Variants in GOLGA1 observed in about 807,000 individuals in gnomAD.
The protein encoded by GOLGA1 is golgin subfamily A member 1.
A neutral mutation model predicts 119.7 loss-of-function variants in GOLGA1; 63 were observed. The ratio of observed to expected loss-of-function variants is 0.53; its 90% CI spans 0.43 to 0.65. GOLGA1 has a LOEUF of 0.65. GOLGA1 is among the 30% of genes least tolerant of loss of function. GOLGA1 has a pLI of 0.00. For synonymous variants in GOLGA1, 318 were observed against 333.4 expected (o/e 0.95, Z 0.50); for missense variants, 798 against 912.8 (o/e 0.87, Z 1.62).
intron 9 of GOLGA1, 122 bp downstream of exon 9, chr9:124,921,601 A>G (rs1470070286): frequency 9.9e-6 from 8 of 804,718 alleles, no homozygotes; most frequent in Non-Finnish European, 1.6e-5. Flanking sequence ...GGATGTGTCC[A>G]GAAGCCTTTG....
At chr9:124,923,257 C>A (rs540832065) in intron 7 of GOLGA1, 34 bp from the exon 8 acceptor site, 16 of 1,532,254 alleles carry the variant, frequency 1.0e-5, no homozygotes, top group Non-Finnish European at 1.2e-5. Context: ...ACTCAGGCAA[C>A]GAAAGCATTA....
intron 12 of GOLGA1, among the ~76,000 whole-genome samples, chr9:124,907,274 T>C (rs1392449858): frequency 6.6e-6 from 1 of 152,236 alleles, no homozygotes; most frequent in East Asian, 1.9e-4. Flanking sequence ...TAAATGATTT[T>C]GAGAAATATG....
intron 3 of GOLGA1, among the ~76,000 whole-genome samples, chr9:124,938,082 CAA>C (rs200357362): frequency 2.3e-4 from 15 of 66,088 alleles, no homozygotes; most frequent in East Asian, 3.3e-4. Flanking sequence ...GAATCCATCT[CAA>C]AAAAAAAAAA....
At position 124,899,431 on chromosome 9, in the gene GOLGA1, A is replaced by G. The variant is rs1413018319; in HGVS notation, c.1209T>C (p.Ala403=). The G allele has an allele frequency of 6.5e-7, 1 of 1,548,472 alleles. No individual in the cohort carries two copies. The change falls in exon 14 of 23, where the codon GCT becomes GCC. Residue 403 remains alanine (A), a synonymous_variant. Transcript: ENST00000373555. ...ESSHVQQQAL[A]LEQQFLERTQ... is the part of the protein sequence containing the mutation. Reference sequence around the variant, plus strand: ...TGCGCTCCAAGAACTGCTGCTCCAGAGCAAGGGCCTGCTGCTGCACATGGC... The same window carrying G: ...TGCGCTCCAAGAACTGCTGCTCCAGGGCAAGGGCCTGCTGCTGCACATGGC...
intron 10 of GOLGA1, 38 bp from the exon 11 acceptor site, chr9:124,912,064 C>G: frequency 5.7e-6 from 9 of 1,588,738 alleles, no homozygotes; most frequent in Non-Finnish European, 7.7e-6. Flanking sequence ...TACTAGAAGC[C>G]CTCTCTTCCT....
At chr9:124,880,958 G>T (rs1829564957) in intron 22 of GOLGA1, among the ~76,000 whole-genome samples, 1 of 152,188 alleles carries the variant, frequency 6.6e-6, no homozygotes, top group South Asian at 2.1e-4. Context: ...AAAATACGTG[G>T]CCTGTTGGTC....
intron 11 of GOLGA1, among the ~76,000 whole-genome samples, chr9:124,909,751 T>G (rs1830306029): frequency 6.6e-6 from 1 of 152,018 alleles, no homozygotes; most frequent in Non-Finnish European, 1.5e-5. Context: ...GGGCCAGAGA[T>G]ATATACTTTA....
chr9:124,884,494 AC>A (rs1342836461), intron 19 of GOLGA1, among the ~76,000 whole-genome samples: 1 of 151,890 alleles, frequency 6.6e-6, no homozygotes, highest in Non-Finnish European at 1.5e-5. Flanking sequence ...TGTGACAGGA[AC>A]TCCCGGGGAT....
At position 124,923,537 on chromosome 9, in the gene GOLGA1, T is replaced by C. The variant is rs76942087; in HGVS notation, c.433-314A>G. On this transcript the variant is annotated intron_variant, in intron 7 of 22. Transcript: ENST00000373555. ...AAAGCATTACAGAAATATGGCATTA[T>C]TTACAAATTCTTTAATTGAATTAAT... Among the ~76,000 whole-genome samples, 688 of 152,334 alleles carry C rather than the reference T, an allele frequency of 4.5e-3. 3 individuals carry two copies. The highest frequency in any genetic ancestry group is 0.016 in the African/African-American group (647 of 41,568).
intron 13 of GOLGA1, chr9:124,900,139 CCT>C (rs1172903564): frequency 1.2e-5 from 3 of 252,678 alleles, no homozygotes; most frequent in Non-Finnish European, 2.3e-5. Context: ...TCTCCCCGCC[CCT>C]GATTGCAAGT....
In GOLGA1 at chr9:124,878,804, C is replaced by T. The variant is rs917103515; in HGVS notation, c.*1726G>A. The T allele has an allele frequency of 6.6e-6, 1 of 152,230 alleles. No homozygotes were observed. Among genetic ancestry groups the T allele is most frequent in the Non-Finnish European group, 1.5e-5 (1 of 68,048 alleles). 9.4% of individuals were successfully genotyped at this position (152,230 alleles called of 1,614,324 possible). On this transcript the variant is annotated 3_prime_UTR_variant, in exon 23 of 23. Transcript: ENST00000373555. Reference sequence around the variant, plus strand: ...GCTGCCTTTGGCTGGCTGTGAGCTACCCAGTCTTAGAGATTCTTTCCTGGA... The same window carrying T: ...GCTGCCTTTGGCTGGCTGTGAGCTATCCAGTCTTAGAGATTCTTTCCTGGA...
intron 19 of GOLGA1, among the ~76,000 whole-genome samples, chr9:124,886,869 G>A (rs974421982): frequency 3.9e-5 from 6 of 152,050 alleles, no homozygotes; most frequent in Non-Finnish European, 8.8e-5. Context: ...GGGGTTAGGG[G>A]CAGAGGGGCG....
chr9:124,926,866 A>G (rs1447378330), intron 6 of GOLGA1, 125 bp from the exon 7 acceptor site: 1 of 580,462 alleles, frequency 1.7e-6, no homozygotes, highest in East Asian at 3.0e-5. Flanking sequence ...AAAAAAGCCA[A>G]TTAAAAAAAA....
intron 10 of GOLGA1, among the ~76,000 whole-genome samples, chr9:124,920,754 T>C (rs1830550029): frequency 6.7e-6 from 1 of 148,496 alleles, no homozygotes; most frequent in African/African-American, 2.5e-5. Context: ...GCCAACATGG[T>C]AAAACCCTGT....
Position 124,881,884 on chromosome 9 carries a change from G to A in GOLGA1, c.2036C>T (p.Pro679Leu), listed in dbSNP as rs201725287. 33 of 1,612,390 alleles carry A rather than the reference G, an allele frequency of 2.0e-5. No individual in the cohort carries two copies. Among genetic ancestry groups the A allele is most frequent in the Non-Finnish European group, 2.8e-5 (33 of 1,178,736 alleles). ...KPGPEMANMA[P>L]SVTNNTDLTD... ...CAGGTCAGTGTTATTCGTGACGGAA[G>A]GCGCCATGTTTGCCATCTCAGGTCC... Residue 679 changes from proline (P) to leucine (L), a missense_variant, in exon 21 of 23, where the codon CCT (proline) becomes CTT (leucine). Coordinates refer to ENST00000373555, the MANE Select transcript of GOLGA1 (RefSeq NM_002077.4). The surrounding 1 kb of genome is among the most constrained non-coding windows in gnomAD (Gnocchi z 4.9).
chr9:124,933,422 T>A lies in GOLGA1; in HGVS notation c.136-2016A>T, dbSNP rs1158304175. Among the ~76,000 whole-genome samples the A allele has an allele frequency of 2.0e-5, 3 of 151,992 alleles. No homozygotes were observed. In the East Asian group the frequency reaches 5.8e-4, roughly 29 times the overall value. On this transcript the variant is annotated intron_variant, in intron 3 of 22. Coordinates refer to ENST00000373555, the MANE Select transcript of GOLGA1 (RefSeq NM_002077.4). ...TCCTTCTGGAGTCTGGATTATTTAT[T>A]TATTTATTTATTTATTTAGACAGAG...
At position 124,889,314 on chromosome 9, in the gene GOLGA1, G is replaced by T; in HGVS notation, c.1601-11C>A. ...GGGCAGAGTTGTGACCTAGGTCGGG[G>T]AGGAGGGGAGGGGGCACTGTGAGCC... is the stretch of plus-strand genomic sequence containing the variant. On this transcript the variant is annotated splice_polypyrimidine_tract_variant and intron_variant, in intron 17 of 22. Coordinates refer to ENST00000373555, the MANE Select transcript of GOLGA1 (RefSeq NM_002077.4). 1 of 1,612,460 alleles carries T rather than the reference G, an allele frequency of 6.2e-7. No individual in the cohort carries two copies.
intron 8 of GOLGA1, 29 bp downstream of exon 8, chr9:124,923,066 T>A (rs774393216): frequency 6.5e-7 from 1 of 1,529,918 alleles, no homozygotes; most frequent in South Asian, 1.1e-5. Context: ...ATCTATTCAG[T>A]ATTTAGCTAC....
rs779712507 is a variant in GOLGA1 at position 124,931,298 on chromosome 9, A to T, written c.226+18T>A. ...GCAAGTTTCCTGTTGTTTGCTTTTT[A>T]TGAGTTCTTAGACATACCAGAAAGT... On this transcript the variant is annotated intron_variant, in intron 4 of 22. Transcript: ENST00000373555. 1 of 1,215,192 alleles carries T rather than the reference A, an allele frequency of 8.2e-7. No homozygotes were observed. The highest frequency in any genetic ancestry group is 1.2e-6 in the Non-Finnish European group (1 of 816,112). 75.3% of individuals were successfully genotyped at this position (1,215,192 alleles called of 1,614,324 possible).
Sources: allele counts gnomAD v4.1 joint callset (sites outside exome capture counted in the v4.1 genomes callset), GRCh38; gene constraint gnomAD v4.1.1; non-coding constraint Gnocchi (gnomAD v3.1); transcripts MANE v1.5; gene names NCBI Gene and HGNC (gene_info 2026-07-23, HGNC 2026-07-21).